The following GLG1 variants were observed in gnomAD, a reference collection of about 807,000 sequenced individuals.
GLG1 encodes the protein golgi glycoprotein 1.
In GLG1, 38 loss-of-function variants were observed where a neutral mutation model predicts 160.5. The ratio of observed to expected loss-of-function variants is 0.24; its 90% CI spans 0.18 to 0.31. GLG1 has a LOEUF of 0.31. GLG1 is among the 10% of genes least tolerant of loss of function. The pLI is 1.00. For missense variants in GLG1, 1,373 were observed against 1,505.2 expected (o/e 0.91, Z 1.45); for synonymous variants, 644 against 543.4 (o/e 1.19, Z -2.57).
At chr16:74,534,804 C>A (rs957167887) in intron 1 of GLG1, among the ~76,000 whole-genome samples, 2 of 152,208 alleles carry the variant, frequency 1.3e-5, no homozygotes, top group Non-Finnish European at 2.9e-5. Context: ...AAAGCAAGCA[C>A]TGCAGTCCAC....
At chr16:74,472,514 T>G (rs559173576) in intron 13 of GLG1, 103 bp from the exon 14 acceptor site, 6 of 1,354,920 alleles carry the variant, frequency 4.4e-6, no homozygotes, top group Non-Finnish European at 6.1e-6. Context: ...GGGCAAATAA[T>G]CTAATACATA....
At chr16:74,570,841 T>C (rs2018804218) in intron 1 of GLG1, among the ~76,000 whole-genome samples, 1 of 152,146 alleles carries the variant, frequency 6.6e-6, no homozygotes, top group African/African-American at 2.4e-5. Flanking sequence ...CAAGCTACAA[T>C]CATGCCACTG....
intron 1 of GLG1, among the ~76,000 whole-genome samples, chr16:74,580,390 T>C (rs1335172607): frequency 6.6e-6 from 1 of 151,998 alleles, no homozygotes; most frequent in Non-Finnish European, 1.5e-5. Flanking sequence ...TCCCTGCTAC[T>C]CAGGAGACCA....
At chr16:74,568,418 CTTTTT>C (rs57385691) in intron 1 of GLG1, among the ~76,000 whole-genome samples, 1 of 130,516 alleles carries the variant, frequency 7.7e-6, no homozygotes, top group Non-Finnish European at 1.6e-5. Context: ...AATTTTACTG[CTTTTT>C]TTTTTTTTTT....
chr16:74,588,406 T>C (rs1268354257), intron 1 of GLG1, among the ~76,000 whole-genome samples: 1 of 152,126 alleles, frequency 6.6e-6, no homozygotes, highest in East Asian at 1.9e-4. Flanking sequence ...TTTAAGCTTT[T>C]TGGATTTGAA....
At chr16:74,459,900 G>A (rs1227869615) in intron 22 of GLG1, 111 bp from the exon 23 acceptor site, 1 of 591,050 alleles carries the variant, frequency 1.7e-6, no homozygotes, top group South Asian at 2.3e-5. Flanking sequence ...CTGTCACCCA[G>A]GCTGCAGTGC....
At position 74,472,136 on chromosome 16, in the gene GLG1, G is replaced by A. The variant is rs117475354; in HGVS notation, c.2115+213C>T. On this transcript the variant is annotated intron_variant, in intron 14 of 25. Coordinates refer to ENST00000422840, the MANE Select transcript of GLG1 (RefSeq NM_001145667.2). Reference sequence around the variant, plus strand: ...GCCCAGGCTGGTCTTGAAATCCTGGGCTCAAGTGCTCCTCCTTGGCTTCAA... The same window carrying A: ...GCCCAGGCTGGTCTTGAAATCCTGGACTCAAGTGCTCCTCCTTGGCTTCAA... Among the ~76,000 whole-genome samples, 523 of 152,200 alleles carry A rather than the reference G, an allele frequency of 3.4e-3. 15 individuals are homozygous for A. The East Asian group carries it at 0.088, about 26-fold the overall frequency.
intron 1 of GLG1, among the ~76,000 whole-genome samples, chr16:74,582,775 G>A (rs554247014): frequency 1.3e-5 from 2 of 151,870 alleles, no homozygotes; most frequent in South Asian, 2.1e-4. Flanking sequence ...AGCCGAGATC[G>A]CGCCACTGCA....
At chr16:74,530,833 A>G (rs1002970369) in intron 2 of GLG1, among the ~76,000 whole-genome samples, 2 of 152,056 alleles carry the variant, frequency 1.3e-5, no homozygotes, top group African/African-American at 4.8e-5. Flanking sequence ...GGATGACAAC[A>G]GTGCACTCAT....
At chr16:74,534,889 C>A (rs1362090160) in intron 1 of GLG1, among the ~76,000 whole-genome samples, 1 of 152,148 alleles carries the variant, frequency 6.6e-6, no homozygotes, top group Admixed American at 6.5e-5. Flanking sequence ...CTTAGTAATA[C>A]TGTTAATGTA....
Position 74,566,635 on chromosome 16 carries a change from A to C in GLG1, c.439-34482T>G, listed in dbSNP as rs1281835649. Among the ~76,000 whole-genome samples the C allele has an allele frequency of 7.2e-5, 11 of 151,910 alleles. 1 individual carries two copies. The East Asian group carries it at 1.9e-3, about 27-fold the overall frequency. ...GAGCAGGTCTCTTTTTTTCCCCTCC[A>C]TGCCTATTCTGTTGTAATTTGCCTT... On this transcript the variant is annotated intron_variant, in intron 1 of 25. Transcript: ENST00000422840.
At chr16:74,567,875 G>A (rs1046029174) in intron 1 of GLG1, among the ~76,000 whole-genome samples, 1 of 152,204 alleles carries the variant, frequency 6.6e-6, no homozygotes, top group Non-Finnish European at 1.5e-5. Flanking sequence ...GCCATATGGT[G>A]CACTTTCATT....
chr16:74,487,207 T>C (rs1019884899), intron 8 of GLG1, among the ~76,000 whole-genome samples: 1 of 152,120 alleles, frequency 6.6e-6, no homozygotes, highest in Non-Finnish European at 1.5e-5. Flanking sequence ...CACCCAGACC[T>C]GGGGTAGAAA....
Position 74,468,226 on chromosome 16 carries a change from CTTTTTTTTTTTTTTTT to C in GLG1, c.2437-394_2437-379del, listed in dbSNP as rs201829157. The C allele has an allele frequency of 0.012, 964 of 83,362 alleles. 30 individuals carry two copies. In the East Asian group the frequency reaches 0.21, roughly 18 times the overall value. The allele number at this position is 83,362 out of a possible 1,614,324, so 5.2% of individuals were successfully genotyped here. On this transcript the variant is annotated intron_variant, in intron 17 of 25. Coordinates refer to ENST00000422840, the MANE Select transcript of GLG1 (RefSeq NM_001145667.2). Reference sequence around the variant, plus strand: ...AACCAAATCTTCCAGCTTGAAATGTCTTTTTTTTTTTTTTTTTTTTTTTTTTTGGAGACAGAGTCTT... The same window carrying C: ...AACCAAATCTTCCAGCTTGAAATGTCTTTTTTTTTTTGGAGACAGAGTCTT...
chr16:74,523,178 T>C (rs1482537454), intron 2 of GLG1, among the ~76,000 whole-genome samples: 2 of 152,244 alleles, frequency 1.3e-5, no homozygotes, highest in East Asian at 1.9e-4. Context: ...TTTGCCAATC[T>C]CCAAGTCATG....
intron 12 of GLG1, among the ~76,000 whole-genome samples, chr16:74,476,646 C>A (rs77995020): frequency 0.09 from 13,743 of 152,176 alleles, 630 homozygotes; most frequent in African/African-American, 0.11. Context: ...TCCCACATGA[C>A]CTGCAGTCAT....
rs1283296951 is a variant in GLG1, at chr16:74,451,202, G to T, written c.*1965C>A. ...CTCCGGCTGGCAGTGGCGGGAGGCA[G>T]TGTGTGCTGCTCGCACCCTGCGTTT... On this transcript the variant is annotated 3_prime_UTR_variant, in exon 26 of 26. Transcript: ENST00000422840. The T allele has an allele frequency of 6.6e-6, 1 of 152,386 alleles. No individual in the cohort carries two copies. Among genetic ancestry groups the T allele is most frequent in the Non-Finnish European group, 1.5e-5 (1 of 68,184 alleles). 9.4% of individuals were successfully genotyped at this position (152,386 alleles called of 1,614,324 possible).
chr16:74,557,749 G>A (rs544065851), intron 1 of GLG1, among the ~76,000 whole-genome samples: 4 of 151,684 alleles, frequency 2.6e-5, no homozygotes, highest in Admixed American at 2.0e-4. Flanking sequence ...AGTGTCCTGT[G>A]TGTCTTTTTT....
At chr16:74,539,995 T>TA (rs58423211) in intron 1 of GLG1, among the ~76,000 whole-genome samples, 8,021 of 9,788 alleles carry the variant, frequency 0.82, 3,695 homozygotes, top group East Asian at 1. Flanking sequence ...TATATATATA[T>TA]TTTATATATA....
Sources: gnomAD v4.1 joint callset for allele counts (sites outside exome capture counted in the v4.1 genomes callset) on GRCh38, gnomAD v4.1.1 for gene constraint, MANE v1.5 for transcripts, NCBI Gene and HGNC (gene_info 2026-07-23, HGNC 2026-07-21) for gene names.